The following CACNB4 variants were observed in gnomAD, a reference collection of about 807,000 sequenced individuals.
The protein encoded by CACNB4 is voltage-dependent L-type calcium channel subunit beta-4.
In CACNB4, 32 loss-of-function variants were observed where a neutral mutation model predicts 71.2. That is an observed-to-expected ratio of 0.45 (90% CI 0.34 to 0.60). CACNB4 has a LOEUF of 0.60. Ranked by LOEUF, CACNB4 falls within the 20% of genes least tolerant of loss-of-function variation. CACNB4 has a pLI of 0.01. For missense variants in CACNB4, 464 were observed against 647.9 expected, an observed-to-expected ratio of 0.72 and a Z score of 3.08; for synonymous variants, 231 against 236.9, an observed-to-expected ratio of 0.97 and a Z score of 0.23.
intron 2 of CACNB4, among the ~76,000 whole-genome samples, chr2:152,086,256 G>A (rs865936981): frequency 6.6e-6 from 1 of 152,148 alleles, no homozygotes; most frequent in Non-Finnish European, 1.5e-5. Context: ...AAATGAATAC[G>A]ACAATCAATA....
At chr2:151,882,818 A>C (rs1034586229) in intron 3 of CACNB4, among the ~76,000 whole-genome samples, 4 of 152,296 alleles carry the variant, frequency 2.6e-5, no homozygotes, top group Non-Finnish European at 4.4e-5. Context: ...ACTGAACTTG[A>C]GGTGGGATAC....
At chr2:151,997,491 G>A (rs534669919) in intron 2 of CACNB4, among the ~76,000 whole-genome samples, 10 of 151,906 alleles carry the variant, frequency 6.6e-5, no homozygotes, top group African/African-American at 2.2e-4. Context: ...CTGAGATCGC[G>A]CCACTGCACT....
At chr2:152,035,651 C>A (rs2946625) in intron 2 of CACNB4, among the ~76,000 whole-genome samples, 2,124 of 117,986 alleles carry the variant, frequency 0.018, 81 homozygotes, top group African/African-American at 0.071. Context: ...CTCTCTCTCT[C>A]TATATATATA....
At chr2:152,030,926 G>T (rs548547654) in intron 2 of CACNB4, among the ~76,000 whole-genome samples, 13 of 152,186 alleles carry the variant, frequency 8.5e-5, no homozygotes, top group Admixed American at 4.6e-4. Context: ...CTGATGTCAA[G>T]CAAGGTTGGG....
intron 2 of CACNB4, among the ~76,000 whole-genome samples, chr2:152,074,025 G>A (rs1686851091): frequency 6.6e-6 from 1 of 152,100 alleles, no homozygotes; most frequent in South Asian, 2.1e-4. Context: ...AGAGTCCTAG[G>A]TAAGCCCATG....
intron 2 of CACNB4, among the ~76,000 whole-genome samples, chr2:151,955,608 TTTGA>T (rs1159936009): frequency 6.6e-6 from 1 of 152,144 alleles, no homozygotes; most frequent in African/African-American, 2.4e-5. Context: ...AGAGTTGGAC[TTTGA>T]TTGGGTGCAG....
intron 2 of CACNB4, among the ~76,000 whole-genome samples, chr2:151,992,989 A>T (rs1026680159): frequency 6.6e-6 from 1 of 152,162 alleles, no homozygotes; most frequent in Admixed American, 6.5e-5. Flanking sequence ...TCAGCTTCCA[A>T]ATCTGGTAAT....
At chr2:152,004,668 G>A (rs1157551069) in intron 2 of CACNB4, among the ~76,000 whole-genome samples, 5 of 152,072 alleles carry the variant, frequency 3.3e-5, no homozygotes, top group Non-Finnish European at 7.4e-5. Context: ...AAATGACAGA[G>A]TCCCTTCTAG....
intron 2 of CACNB4, among the ~76,000 whole-genome samples, chr2:151,974,246 GATTTT>G (rs1341422659): frequency 6.6e-6 from 1 of 152,194 alleles, no homozygotes; most frequent in African/African-American, 2.4e-5. Flanking sequence ...GCAAAGGAAA[GATTTT>G]ATTTTCAGAG....
chr2:152,024,678 A>G (rs562545651), intron 2 of CACNB4, among the ~76,000 whole-genome samples: 28 of 152,370 alleles, frequency 1.8e-4, no homozygotes, highest in Admixed American at 3.9e-4. Context: ...CCCACAAGCA[A>G]ATCATTACAC....
intron 2 of CACNB4, among the ~76,000 whole-genome samples, chr2:151,999,512 C>T (rs922428438): frequency 6.6e-6 from 1 of 152,134 alleles, no homozygotes; most frequent in Non-Finnish European, 1.5e-5. Context: ...ACAACAGCCC[C>T]AGTCCACTCC....
chr2:152,008,833 C>A (rs1467892412), intron 2 of CACNB4, among the ~76,000 whole-genome samples: 1 of 152,152 alleles, frequency 6.6e-6, no homozygotes, highest in Non-Finnish European at 1.5e-5. Context: ...CCTGGAACTA[C>A]TGAACAAGAA....
At chr2:151,957,272 G>A (rs1026799426) in intron 2 of CACNB4, among the ~76,000 whole-genome samples, 11 of 150,738 alleles carry the variant, frequency 7.3e-5, no homozygotes, top group Non-Finnish European at 1.5e-4. Flanking sequence ...GTGTGTGTGT[G>A]TGTGTGTGTG....
intron 4 of CACNB4, among the ~76,000 whole-genome samples, chr2:151,877,845 G>A (rs959133906): frequency 6.6e-6 from 1 of 152,174 alleles, no homozygotes; most frequent in African/African-American, 2.4e-5. Flanking sequence ...CAACCAGTGT[G>A]GGGTGAGAGT....
chr2:151,982,327 C>T (rs568307160), intron 2 of CACNB4, among the ~76,000 whole-genome samples: 3 of 152,186 alleles, frequency 2.0e-5, no homozygotes, highest in African/African-American at 7.2e-5. Flanking sequence ...TTACACATTA[C>T]ACCCTTAAAA....
chr2:151,944,690 G>A lies in CACNB4; in HGVS notation c.148-61320C>T, dbSNP rs145838445. 9.2e-5 allele frequency among the ~76,000 whole-genome samples: 14 copies of A among 152,280 alleles called. No homozygotes were observed. The East Asian group carries it at 2.3e-3, about 25-fold the overall frequency. On this transcript the variant is annotated intron_variant, in intron 2 of 13. Transcript: ENST00000539935. ...GCCTGTAATCCCAGATACTCAGGAG[G>A]GTGAGGCAGAAGAATTGCTTGAACC...
At chr2:152,030,307 T>C (rs1030382491) in intron 2 of CACNB4, among the ~76,000 whole-genome samples, 1 of 152,206 alleles carries the variant, frequency 6.6e-6, no homozygotes, top group Non-Finnish European at 1.5e-5. Context: ...TATAAGACAC[T>C]AGATTTATGT....
intron 2 of CACNB4, chr2:151,967,856 A>G (rs1167826811): frequency 6.6e-6 from 1 of 152,218 alleles, no homozygotes; most frequent in Non-Finnish European, 1.5e-5. Context: ...AAAGAAAAAA[A>G]AGGACACAGG....
chr2:151,917,827 A>G (rs1374189057), intron 2 of CACNB4, among the ~76,000 whole-genome samples: 1 of 89,066 alleles, frequency 1.1e-5, no homozygotes, highest in Non-Finnish European at 2.2e-5. Flanking sequence ...AAAGTGAGAC[A>G]CTGTCTCAAA....
Sources: allele counts gnomAD v4.1 joint callset (sites outside exome capture counted in the v4.1 genomes callset), GRCh38; gene constraint gnomAD v4.1.1; transcripts MANE v1.5; gene names NCBI Gene and HGNC (gene_info 2026-07-23, HGNC 2026-07-21).